The following PALLD variants were observed in gnomAD, a reference collection of about 807,000 sequenced individuals.
PALLD encodes palladin.
Under a neutral mutation model 123.5 loss-of-function variants are expected in PALLD, and 61 were observed. That is an observed-to-expected ratio of 0.49 (90% CI 0.40 to 0.61). PALLD has a LOEUF of 0.61. Among genes scored for constraint, PALLD ranks in the 20% least tolerant of loss-of-function variants. The pLI is 0.00. For synonymous variants in PALLD, 465 were observed against 496.4 expected (o/e 0.94, Z 0.84); for missense variants, 1,273 against 1,377.0 (o/e 0.92, Z 1.20).
At chr4:168,901,524 G>A (rs1025695396) in intron 14 of PALLD, among the ~76,000 whole-genome samples, 4 of 152,184 alleles carry the variant, frequency 2.6e-5, no homozygotes, top group African/African-American at 9.7e-5. Flanking sequence ...CAAAAGGGAA[G>A]AAATTGTATA....
At chr4:168,884,192 A>T (rs1753026261) in intron 10 of PALLD, among the ~76,000 whole-genome samples, 1 of 152,164 alleles carries the variant, frequency 6.6e-6, no homozygotes. Context: ...TTTTATTTCT[A>T]ACTCTCACCT....
intron 2 of PALLD, among the ~76,000 whole-genome samples, chr4:168,642,925 T>G (rs1196338829): frequency 6.6e-6 from 1 of 152,206 alleles, no homozygotes; most frequent in Non-Finnish European, 1.5e-5. Flanking sequence ...TACCTTGCCT[T>G]ATTGTTAGCA....
At chr4:168,784,950 C>T (rs1392468466) in intron 10 of PALLD, among the ~76,000 whole-genome samples, 1 of 151,458 alleles carries the variant, frequency 6.6e-6, no homozygotes, top group African/African-American at 2.4e-5. Context: ...TGAGACTTGG[C>T]AAAGAGGCTG....
chr4:168,539,884 G>A (rs1765449083), intron 2 of PALLD, among the ~76,000 whole-genome samples: 1 of 152,052 alleles, frequency 6.6e-6, no homozygotes, highest in African/African-American at 2.4e-5. Flanking sequence ...GTGGTGCTGA[G>A]GCTTGGGGTA....
At chr4:168,547,804 G>A (rs897750854) in intron 2 of PALLD, among the ~76,000 whole-genome samples, 3 of 151,942 alleles carry the variant, frequency 2.0e-5, no homozygotes, top group Non-Finnish European at 4.4e-5. Context: ...AAATTAGCTG[G>A]GCGTGGTGGC....
At chr4:168,889,978 G>C (rs1347991095) in intron 10 of PALLD, among the ~76,000 whole-genome samples, 1 of 152,090 alleles carries the variant, frequency 6.6e-6, no homozygotes, top group African/African-American at 2.4e-5. Context: ...TTTTTCACCG[G>C]AACTTTGTTT....
At chr4:168,736,056 C>T (rs1290113940) in intron 10 of PALLD, among the ~76,000 whole-genome samples, 2 of 152,216 alleles carry the variant, frequency 1.3e-5, no homozygotes, top group East Asian at 3.8e-4. Context: ...GCCACTGGAG[C>T]TCATTCAGTG....
At chr4:168,503,739 C>T (rs1283150584) in intron 1 of PALLD, among the ~76,000 whole-genome samples, 2 of 151,800 alleles carry the variant, frequency 1.3e-5, no homozygotes, top group Non-Finnish European at 2.9e-5. Context: ...CAGAAAGAAT[C>T]TGAATTGTTT....
chr4:168,690,348 G>A (rs1490676323), intron 6 of PALLD, among the ~76,000 whole-genome samples: 1 of 152,134 alleles, frequency 6.6e-6, no homozygotes, highest in Admixed American at 6.6e-5. Context: ...TTGCAGACAG[G>A]CCAGAAAGCT....
intron 2 of PALLD, among the ~76,000 whole-genome samples, chr4:168,523,431 T>G (rs1225262176): frequency 6.6e-6 from 1 of 152,152 alleles, no homozygotes; most frequent in Non-Finnish European, 1.5e-5. Context: ...ATTGTGTTAG[T>G]GCAAAGAGAA....
chr4:168,758,854 T>A (rs1429777459), intron 10 of PALLD, among the ~76,000 whole-genome samples: 1 of 151,898 alleles, frequency 6.6e-6, no homozygotes, highest in East Asian at 1.9e-4. Context: ...GGGCTGGGCC[T>A]GTGCAAATGG....
At chr4:168,540,035 G>T (rs1486852565) in intron 2 of PALLD, among the ~76,000 whole-genome samples, 4 of 151,058 alleles carry the variant, frequency 2.6e-5, no homozygotes, top group African/African-American at 9.8e-5. Context: ...ACTTTTTTAT[G>T]ATGTAAACCA....
intron 10 of PALLD, among the ~76,000 whole-genome samples, chr4:168,887,121 AAAAAAAAAAAAG>A (rs1238181372): frequency 1.4e-5 from 2 of 141,438 alleles, no homozygotes; most frequent in African/African-American, 2.6e-5. Context: ...TGTCTCAAAA[AAAAAAAAAAAAG>A]AAAAAGAAAA....
chr4:168,760,325 C>T (rs919199119), intron 10 of PALLD, among the ~76,000 whole-genome samples: 32 of 132,968 alleles, frequency 2.4e-4, no homozygotes, highest in African/African-American at 8.1e-4. Context: ...GCAGTGGGTG[C>T]GGGGAGGCCT....
intron 2 of PALLD, among the ~76,000 whole-genome samples, chr4:168,663,778 C>T (rs1240200126): frequency 1.3e-5 from 2 of 152,094 alleles, no homozygotes; most frequent in Non-Finnish European, 2.9e-5. Context: ...TGTATTGTTT[C>T]CTCATGCCAT....
At chr4:168,875,330 T>C (rs576804069) in intron 10 of PALLD, among the ~76,000 whole-genome samples, 2 of 152,262 alleles carry the variant, frequency 1.3e-5, no homozygotes, top group African/African-American at 4.8e-5. Flanking sequence ...TTTATCTCTG[T>C]GAAAATCAAC....
chr4:168,591,976 C>G (rs933440338), intron 2 of PALLD, among the ~76,000 whole-genome samples: 1 of 150,542 alleles, frequency 6.6e-6, no homozygotes, highest in Non-Finnish European at 1.5e-5. Flanking sequence ...TGAAATAAAC[C>G]AGGGAAATGC....
chr4:168,882,982 T>A (rs1026015947), intron 10 of PALLD, among the ~76,000 whole-genome samples: 3 of 151,474 alleles, frequency 2.0e-5, no homozygotes, highest in Non-Finnish European at 4.4e-5. Flanking sequence ...CCCAGCTACT[T>A]GGGAGGGCTG....
At chr4:168,637,943 C>CA (rs11416996) in intron 2 of PALLD, among the ~76,000 whole-genome samples, 32,503 of 60,158 alleles carry the variant, frequency 0.54, 8,458 homozygotes, top group Non-Finnish European at 0.6. Flanking sequence ...GAATACATCT[C>CA]AAAAAAAAAA....
Sources: gnomAD v4.1 joint callset for allele counts (sites outside exome capture counted in the v4.1 genomes callset) on GRCh38, gnomAD v4.1.1 for gene constraint, MANE v1.5 for transcripts, NCBI Gene and HGNC (gene_info 2026-07-23, HGNC 2026-07-21) for gene names.